RGL1: variants seen among roughly 807,000 people sequenced by gnomAD.
The protein encoded by RGL1 is ral guanine nucleotide dissociation stimulator like 1.
In RGL1, 24 loss-of-function variants were observed where a neutral mutation model predicts 95.2. That is an observed-to-expected ratio of 0.25 (90% CI 0.18 to 0.35). RGL1 has a LOEUF of 0.35. RGL1 is among the 10% of genes least tolerant of loss of function. RGL1 has a pLI of 1.00. For synonymous variants in RGL1, 329 were observed against 344.9 expected (o/e 0.95, Z 0.51); for missense variants, 715 against 936.3 (o/e 0.76, Z 3.08).
chr1:183,855,384 T>C (rs1323646539), intron 3 of RGL1, among the ~76,000 whole-genome samples: 1 of 151,972 alleles, frequency 6.6e-6, no homozygotes, highest in African/African-American at 2.4e-5. Flanking sequence ...GTAAGTGTTT[T>C]TGAGATGCGT....
intron 11 of RGL1, 43 bp downstream of exon 11, chr1:183,900,279 C>T: frequency 6.8e-7 from 1 of 1,460,002 alleles, no homozygotes; most frequent in African/African-American, 1.4e-5. Flanking sequence ...GCAGCCTTCC[C>T]ACTGGATACC....
intron 2 of RGL1, among the ~76,000 whole-genome samples, chr1:183,744,523 T>A (rs1657503354): frequency 6.6e-6 from 1 of 152,188 alleles, no homozygotes; most frequent in South Asian, 2.1e-4. Context: ...TTGATGCTTG[T>A]CTCACTCCAG....
chr1:183,896,287 G>A (rs1183957553), intron 9 of RGL1, among the ~76,000 whole-genome samples: 1 of 152,204 alleles, frequency 6.6e-6, no homozygotes, highest in African/African-American at 2.4e-5. Flanking sequence ...CTGGGCTCAA[G>A]CGACCCTCCT....
chr1:183,837,855 T>C (rs1045756277), intron 2 of RGL1, among the ~76,000 whole-genome samples: 2 of 152,154 alleles, frequency 1.3e-5, no homozygotes, highest in African/African-American at 2.4e-5. Flanking sequence ...CCATAAGAAG[T>C]GTACAACCTA....
chr1:183,640,059 C>T (rs1049377745), intron 1 of RGL1, among the ~76,000 whole-genome samples: 1 of 152,108 alleles, frequency 6.6e-6, no homozygotes, highest in African/African-American at 2.4e-5. Flanking sequence ...CCAGGATGGT[C>T]TTGATCTCCT....
intron 1 of RGL1, among the ~76,000 whole-genome samples, chr1:183,703,927 C>T (rs557524873): frequency 6.6e-6 from 1 of 152,264 alleles, no homozygotes; most frequent in South Asian, 2.1e-4. Context: ...AGGTTTGGAA[C>T]TGACATGGAA....
intron 1 of RGL1, among the ~76,000 whole-genome samples, chr1:183,661,488 C>T (rs1281306004): frequency 6.6e-6 from 1 of 152,176 alleles, no homozygotes; most frequent in Non-Finnish European, 1.5e-5. Context: ...AACACATACA[C>T]CTTCCCAAGA....
intron 15 of RGL1, among the ~76,000 whole-genome samples, chr1:183,912,853 A>G (rs1296422753): frequency 6.6e-6 from 1 of 152,212 alleles, no homozygotes; most frequent in Non-Finnish European, 1.5e-5. Context: ...GCCCACTCGC[A>G]AGCATATGTC....
chr1:183,693,602 G>C (rs1416648993), intron 1 of RGL1, among the ~76,000 whole-genome samples: 1 of 148,026 alleles, frequency 6.8e-6, no homozygotes, highest in South Asian at 2.1e-4. Context: ...TTGGTCACAA[G>C]TGCCTACTGG....
At chr1:183,825,460 A>G (rs1572463505) in intron 2 of RGL1, among the ~76,000 whole-genome samples, 5 of 152,330 alleles carry the variant, frequency 3.3e-5, no homozygotes, top group Admixed American at 3.3e-4. Context: ...ATTCATTGGC[A>G]CAGACTTTAG....
At chr1:183,855,708 AC>A (rs1665097755) in intron 3 of RGL1, among the ~76,000 whole-genome samples, 1 of 152,182 alleles carries the variant, frequency 6.6e-6, no homozygotes, top group Non-Finnish European at 1.5e-5. Flanking sequence ...CTCTAGGGTC[AC>A]CAGCATCTAG....
chr1:183,700,819 C>T (rs927278727), intron 1 of RGL1, among the ~76,000 whole-genome samples: 2 of 152,152 alleles, frequency 1.3e-5, no homozygotes, highest in African/African-American at 2.4e-5. Flanking sequence ...GCTGGGATTA[C>T]AGGCTTGAGC....
intron 2 of RGL1, among the ~76,000 whole-genome samples, chr1:183,844,787 C>T (rs1437952618): frequency 6.6e-6 from 1 of 152,194 alleles, no homozygotes; most frequent in Admixed American, 6.5e-5. Context: ...TCTGAGTCAA[C>T]AGTCTTAAGA....
intron 3 of RGL1, among the ~76,000 whole-genome samples, chr1:183,863,964 T>A (rs1203943726): frequency 6.6e-6 from 1 of 152,158 alleles, no homozygotes; most frequent in South Asian, 2.1e-4. Flanking sequence ...CCAGTATAAG[T>A]TACTTAGTCT....
At chr1:183,881,818 A>G (rs1409760540) in intron 5 of RGL1, among the ~76,000 whole-genome samples, 2 of 152,210 alleles carry the variant, frequency 1.3e-5, no homozygotes, top group South Asian at 2.1e-4. Context: ...AGATGACTTC[A>G]TCTGCCAGGA....
At chr1:183,907,426 C>T (rs1668401199) in intron 14 of RGL1, among the ~76,000 whole-genome samples, 1 of 152,152 alleles carries the variant, frequency 6.6e-6, no homozygotes, top group Non-Finnish European at 1.5e-5. Flanking sequence ...GATTATGTTG[C>T]TTCCTGTATA....
chr1:183,899,231 TA>T (rs1667878575), intron 10 of RGL1, among the ~76,000 whole-genome samples: 1 of 152,234 alleles, frequency 6.6e-6, no homozygotes, highest in Non-Finnish European at 1.5e-5. Flanking sequence ...GACACTGGCA[TA>T]ATACTATTAA....
chr1:183,889,717 T>C (rs1394389748), intron 8 of RGL1, among the ~76,000 whole-genome samples: 1 of 152,076 alleles, frequency 6.6e-6, no homozygotes, highest in African/African-American at 2.4e-5. Context: ...GATTCTTTGA[T>C]GGGTAAAAAG....
intron 2 of RGL1, among the ~76,000 whole-genome samples, chr1:183,812,471 A>G (rs1332639675): frequency 6.6e-6 from 1 of 152,194 alleles, no homozygotes; most frequent in Non-Finnish European, 1.5e-5. Flanking sequence ...CTCTCCTTCC[A>G]TACCATTCAT....
Sources: allele counts gnomAD v4.1 joint callset (sites outside exome capture counted in the v4.1 genomes callset), GRCh38; gene constraint gnomAD v4.1.1; transcripts MANE v1.5; gene names NCBI Gene and HGNC (gene_info 2026-07-23, HGNC 2026-07-21).